The following INTS4 variants were observed in gnomAD, a reference collection of about 807,000 sequenced individuals.
The protein encoded by INTS4 is integrator complex subunit 4, also known as MSTP093.
In INTS4, 70 loss-of-function variants were observed where a neutral mutation model predicts 119.5. The observed-to-expected ratio is 0.59, with a 90% CI of 0.48 to 0.71. INTS4 has a LOEUF of 0.71. INTS4 is among the 30% of genes least tolerant of loss of function. The pLI is 0.00. For synonymous variants in INTS4, 316 were observed against 419.6 expected, an observed-to-expected ratio of 0.75 and a Z score of 3.02; for missense variants, 867 against 1,173.2, an observed-to-expected ratio of 0.74 and a Z score of 3.81.
chr11:77,908,330 CTTTTT>C, intron 15 of INTS4, among the ~76,000 whole-genome samples: 1 of 139,644 alleles, frequency 7.2e-6, no homozygotes, highest in Admixed American at 7.2e-5. Context: ...CTGCATCCAT[CTTTTT>C]TTTTTTTTTT....
intron 18 of INTS4, among the ~76,000 whole-genome samples, chr11:77,897,899 C>A (rs1051708397): frequency 6.6e-6 from 1 of 152,074 alleles, no homozygotes; most frequent in Non-Finnish European, 1.5e-5. Flanking sequence ...GCCTTGAACT[C>A]CTGGGCTCAA....
At position 77,918,959 on chromosome 11, in the gene INTS4, A is replaced by G. The variant is rs1212652538; in HGVS notation, c.1784T>C (p.Val595Ala). 5.0e-6 allele frequency: 8 copies of G among 1,613,838 alleles called. No individual in the cohort carries two copies. The highest frequency in any genetic ancestry group is 2.7e-5 in the African/African-American group (2 of 74,930). ...PALRLPGRKL[V>A]SSAVSPSIIP... ...GATGCTGGGAGAAACAGCTGATGAC[A>G]CCAGTTTTCTACCTGGTAACTAAGC... Residue 595 changes from valine to alanine, a missense_variant, in exon 15 of 23, where the codon GTG becomes GCG. By Grantham distance (64) the Val-to-Ala change is moderately conservative. Transcript: ENST00000534064.
intron 15 of INTS4, 33 bp from the exon 16 acceptor site, chr11:77,907,843 G>C (rs767880416): frequency 8.2e-6 from 11 of 1,348,656 alleles, no homozygotes; most frequent in Non-Finnish European, 1.2e-5. Context: ...GGCAAACACA[G>C]GATAAGGATA....
At chr11:77,941,026 T>C (rs558075175) in intron 9 of INTS4, among the ~76,000 whole-genome samples, 154 bp downstream of exon 9, 1 of 152,360 alleles carries the variant, frequency 6.6e-6, no homozygotes, top group African/African-American at 2.4e-5. Context: ...TCACTTGTTA[T>C]TTGCTTCAAT....
intron 6 of INTS4, among the ~76,000 whole-genome samples, chr11:77,959,210 G>C (rs1269136077): frequency 6.6e-6 from 1 of 152,132 alleles, no homozygotes; most frequent in South Asian, 2.1e-4. Context: ...ACCTTGGTCT[G>C]AAATCACTGG....
chr11:77,931,689 A>G lies in INTS4; in HGVS notation c.1166-3142T>C, dbSNP rs369760385. Among the ~76,000 whole-genome samples, 46 of 152,312 alleles carry G rather than the reference A, an allele frequency of 3.0e-4. No homozygotes were observed. The East Asian group carries it at 4.6e-3, about 15-fold the overall frequency. On this transcript the variant is annotated intron_variant, in intron 10 of 22. Coordinates refer to ENST00000534064, the MANE Select transcript of INTS4 (RefSeq NM_033547.4). ...GCCTCATGCTACCTGACTTCAAACT[A>G]TACTACAAGGCTACAGTAACCAAAA...
rs189573068 is a variant in INTS4, at chr11:77,943,909, T to C, written c.919-2658A>G. Among the ~76,000 whole-genome samples, 833 of 152,308 alleles carry C rather than the reference T, an allele frequency of 5.5e-3. 11 individuals are homozygous for C. The highest frequency in any genetic ancestry group is 0.019 in the African/African-American group (778 of 41,566). The stretch of plus-strand genomic sequence containing the variant: ...ATAAAACTGCCACTAACTAGGAATA[T>C]CTGCATTTACCCTGGGAAAGACCAG... On this transcript the variant is annotated intron_variant, in intron 8 of 22. Coordinates refer to ENST00000534064, the MANE Select transcript of INTS4 (RefSeq NM_033547.4).
chr11:77,942,027 C>T (rs1358202456), intron 8 of INTS4, among the ~76,000 whole-genome samples: 3 of 152,240 alleles, frequency 2.0e-5, no homozygotes, highest in Non-Finnish European at 4.4e-5. Flanking sequence ...ACTCTCCACT[C>T]CTTTTCATTC....
chr11:77,882,551 C>CT (rs1398355865), intron 22 of INTS4, among the ~76,000 whole-genome samples: 1 of 152,212 alleles, frequency 6.6e-6, no homozygotes, highest in Admixed American at 6.5e-5. Context: ...AATAAGGAAT[C>CT]TATTTTCCTG....
chr11:77,875,863 A>C (rs754428112), downstream of INTS4, among the ~76,000 whole-genome samples: 1 of 152,166 alleles, frequency 6.6e-6, no homozygotes, highest in Non-Finnish European at 1.5e-5. Context: ...GAGGTGACAG[A>C]AAAAGACTAC....
At chr11:77,915,795 G>C (rs1461971077) in intron 15 of INTS4, among the ~76,000 whole-genome samples, 1 of 152,194 alleles carries the variant, frequency 6.6e-6, no homozygotes, top group African/African-American at 2.4e-5. Flanking sequence ...GTTAAAAACT[G>C]CATTTCTCAG....
At chr11:77,920,252 TATATAC>T (rs374833114) in intron 14 of INTS4, among the ~76,000 whole-genome samples, 2 of 16,384 alleles carry the variant, frequency 1.2e-4, no homozygotes, top group Admixed American at 5.2e-4. Context: ...TATATATACA[TATATAC>T]ATATATACAC....
chr11:77,911,061 A>G (rs1475669816), intron 15 of INTS4: 2 of 1,288,540 alleles, frequency 1.6e-6, no homozygotes, highest in Non-Finnish European at 1.0e-6. Context: ...CGTCCACTGG[A>G]CTATGACACT....
At chr11:77,964,175 T>C (rs1392656908) in intron 4 of INTS4, among the ~76,000 whole-genome samples, 1 of 152,060 alleles carries the variant, frequency 6.6e-6, no homozygotes, top group East Asian at 1.9e-4. Flanking sequence ...ATAAGTGAAA[T>C]GATTAAGGAG....
At chr11:77,975,105 T>C (rs1403680103) in intron 4 of INTS4, among the ~76,000 whole-genome samples, 1 of 152,190 alleles carries the variant, frequency 6.6e-6, no homozygotes, top group African/African-American at 2.4e-5. Flanking sequence ...TATTCTAATC[T>C]TTAGTATTCC....
At chr11:77,952,338 G>A (rs1954216371) in intron 8 of INTS4, among the ~76,000 whole-genome samples, 1 of 152,046 alleles carries the variant, frequency 6.6e-6, no homozygotes, top group South Asian at 2.1e-4. Context: ...CTATCTGTGT[G>A]GTCTCAGACA....
intron 10 of INTS4, among the ~76,000 whole-genome samples, chr11:77,933,060 A>AT (rs1953694128): frequency 6.6e-6 from 1 of 152,098 alleles, no homozygotes; most frequent in South Asian, 2.1e-4. Context: ...ATACCTATGT[A>AT]ACAAACCTGC....
chr11:77,981,320 T>C (rs1856209471), intron 3 of INTS4, 139 bp downstream of exon 3: 1 of 406,906 alleles, frequency 2.5e-6, no homozygotes, highest in South Asian at 8.7e-5. Flanking sequence ...CTAATGTAAA[T>C]ATGTATATAT....
Position 77,928,299 on chromosome 11 carries a change from G to T in INTS4, c.1371+43C>A, listed in dbSNP as rs201194774. 6.4e-4 allele frequency: 1,026 copies of T among 1,598,696 alleles called. 1 individual carries two copies. The highest frequency in any genetic ancestry group is 8.3e-4 in the Non-Finnish European group (968 of 1,167,310). ...CACAATACCTGATTTTAACAGGGGG[G>T]GGTGAGGGATGAAGAAATGAGTAAC... On this transcript the variant is annotated intron_variant, in intron 11 of 22. Transcript: ENST00000534064.
Sources: gnomAD v4.1 joint callset for allele counts (sites outside exome capture counted in the v4.1 genomes callset) on GRCh38, gnomAD v4.1.1 for gene constraint, MANE v1.5 for transcripts, NCBI Gene and HGNC (gene_info 2026-07-23, HGNC 2026-07-21) for gene names.